Variants in PCDHGB1 observed in about 807,000 individuals in gnomAD.
PCDHGB1 encodes the protein protocadherin gamma subfamily B, 1.
In PCDHGB1, 34 loss-of-function variants were observed where a neutral mutation model predicts 56.6. The observed-to-expected ratio is 0.60, with a 90% CI of 0.46 to 0.80. The LOEUF is 0.80. PCDHGB1 is among the 30% of genes least tolerant of loss of function. PCDHGB1 has a pLI of 0.00. For synonymous variants in PCDHGB1, 561 were observed against 505.9 expected (o/e 1.11, Z -1.46); for missense variants, 1,278 against 1,204.6 (o/e 1.06, Z -0.90).
At chr5:141,500,728 T>C (rs556463739) in intron 2 of PCDHGB1, among the ~76,000 whole-genome samples, 1 of 152,310 alleles carries the variant, frequency 6.6e-6, no homozygotes, top group South Asian at 2.1e-4. Context: ...CCCATGTCTT[T>C]CAAAATTCTT....
Position 141,489,902 on chromosome 5 carries a change from C to T in PCDHGB1, c.2410-4905C>T. The T allele has an allele frequency of 6.2e-7, 1 of 1,614,218 alleles. No individual in the cohort carries two copies. The highest frequency in any genetic ancestry group is 8.5e-7 in the Non-Finnish European group (1 of 1,180,032). On this transcript the variant is annotated intron_variant, in intron 1 of 3. Transcript: ENST00000523390. This position sits in a 1 kb window ranked among gnomAD's most constrained non-coding sequence, Gnocchi z 4.5. Reference sequence around the variant, plus strand: ...ACTGCTGTGGATGGGGGGACCCCAGCCCGCTCAGGGACCACCCTTATCTCT... The same window carrying T: ...ACTGCTGTGGATGGGGGGACCCCAGTCCGCTCAGGGACCACCCTTATCTCT...
chr5:141,380,361 G>GA (rs980591138), intron 1 of PCDHGB1, among the ~76,000 whole-genome samples: 103 of 151,620 alleles, frequency 6.8e-4, no homozygotes, highest in South Asian at 1.2e-3. Flanking sequence ...TTGTTTTTTA[G>GA]AAAAAAAAGT....
intron 1 of PCDHGB1, among the ~76,000 whole-genome samples, chr5:141,359,245 T>A (rs910356279): frequency 1.3e-5 from 2 of 152,062 alleles, no homozygotes; most frequent in Non-Finnish European, 2.9e-5. Flanking sequence ...TTAAAGTAAT[T>A]AAGCCATAAA....
chr5:141,384,286 G>C lies in PCDHGB1; in HGVS notation c.2409+31617G>C, dbSNP rs760333073. ...CTCATCCTACTCAGTCTACATCGCT[G>C]AGAACAACCCCAGAGGGGCCTCCAT... On this transcript the variant is annotated intron_variant, in intron 1 of 3. Coordinates refer to ENST00000523390, the MANE Select transcript of PCDHGB1 (RefSeq NM_018922.3). 3 of 1,613,716 alleles carry C rather than the reference G, an allele frequency of 1.9e-6. No homozygotes were observed. In the East Asian group the frequency reaches 6.7e-5, roughly 36 times the overall value.
intron 1 of PCDHGB1, chr5:141,389,398 T>C (rs1384148422): frequency 1.2e-6 from 2 of 1,613,536 alleles, no homozygotes; most frequent in East Asian, 4.5e-5. Flanking sequence ...TACGTGTCCA[T>C]AAGCGCGGAG....
rs763001349 is a variant in PCDHGB1 at position 141,398,988 on chromosome 5, C to A, written c.2409+46319C>A. 1.9e-6 allele frequency: 3 copies of A among 1,613,832 alleles called. No homozygotes were observed. The African/African-American group carries it at 4.0e-5, about 22-fold the overall frequency. On this transcript the variant is annotated intron_variant, in intron 1 of 3. Coordinates refer to ENST00000523390, the MANE Select transcript of PCDHGB1 (RefSeq NM_018922.3). Reference sequence around the variant, plus strand: ...ATTCCTTCTACAGAACCGGGCAAATCTTTAGTCTGAATTCAAAGAGCGGAG... The same window carrying A: ...ATTCCTTCTACAGAACCGGGCAAATATTTAGTCTGAATTCAAAGAGCGGAG...
At chr5:141,358,687 A>G (rs1760991810) in intron 1 of PCDHGB1, among the ~76,000 whole-genome samples, 1 of 152,206 alleles carries the variant, frequency 6.6e-6, no homozygotes, top group African/African-American at 2.4e-5. Flanking sequence ...GCTTATCATG[A>G]CATCACTATT....
At position 141,372,540 on chromosome 5, in the gene PCDHGB1, C is replaced by G. The variant is rs1208837944; in HGVS notation, c.2409+19871C>G. On this transcript the variant is annotated intron_variant, in intron 1 of 3. Transcript: ENST00000523390. Reference sequence around the variant, plus strand: ...GATTCTGGCAATCTCCCTGCGCCTGCGATGCTCCTCCAGACCCGCCACTGA... The same window carrying G: ...GATTCTGGCAATCTCCCTGCGCCTGGGATGCTCCTCCAGACCCGCCACTGA... The G allele has an allele frequency of 1.9e-6, 3 of 1,614,012 alleles. No homozygotes were observed. The highest frequency in any genetic ancestry group is 3.3e-5 in the Admixed American group (2 of 60,026).
At chr5:141,383,797 G>C in intron 1 of PCDHGB1, 1 of 1,613,964 alleles carries the variant, frequency 6.2e-7, no homozygotes, top group Non-Finnish European at 8.5e-7. Context: ...GCTTACAGGA[G>C]AAATATCAAC....
chr5:141,402,714 T>G (rs1024254405), intron 1 of PCDHGB1, among the ~76,000 whole-genome samples: 2 of 152,220 alleles, frequency 1.3e-5, no homozygotes, highest in African/African-American at 4.8e-5. Flanking sequence ...TAGTAACGGC[T>G]TAGGACTCTG....
At chr5:141,502,356 G>C (rs1443285213) in intron 2 of PCDHGB1, among the ~76,000 whole-genome samples, 4 of 151,838 alleles carry the variant, frequency 2.6e-5, no homozygotes. Flanking sequence ...TAATGACATG[G>C]ATATTTTTAA....
chr5:141,392,641 C>G (rs541777624), intron 1 of PCDHGB1: 2 of 655,502 alleles, frequency 3.1e-6, no homozygotes, highest in Non-Finnish European at 2.5e-6. Context: ...TCACACCTCA[C>G]GAAGACCCGC....
At position 141,366,595 on chromosome 5, in the gene PCDHGB1, C is replaced by G. The variant is rs373756207; in HGVS notation, c.2409+13926C>G. 4.3e-6 allele frequency: 7 copies of G among 1,614,146 alleles called. No individual in the cohort carries two copies. The Admixed American group carries it at 8.3e-5, about 19-fold the overall frequency. On this transcript the variant is annotated intron_variant, in intron 1 of 3. Coordinates refer to ENST00000523390, the MANE Select transcript of PCDHGB1 (RefSeq NM_018922.3). ...GGGCTTTCCTGCAGACCTATTCCCA[C>G]GAGGTCTCCCTCACCGCGGACTCGA...
At chr5:141,368,396 C>T (rs1039446305) in intron 1 of PCDHGB1, among the ~76,000 whole-genome samples, 12 of 152,102 alleles carry the variant, frequency 7.9e-5, no homozygotes, top group African/African-American at 2.9e-4. Flanking sequence ...CACACACAAA[C>T]ACACATACAT....
At chr5:141,384,893 C>G in intron 1 of PCDHGB1, 2 of 1,613,890 alleles carry the variant, frequency 1.2e-6, no homozygotes, top group Non-Finnish European at 1.7e-6. Context: ...GTGGCTGTGG[C>G]TGACAGCATC....
At chr5:141,371,799 G>T (rs1768052133) in intron 1 of PCDHGB1, 5 of 1,613,926 alleles carry the variant, frequency 3.1e-6, no homozygotes, top group Middle Eastern at 1.6e-4. Flanking sequence ...TCCGCCTGGA[G>T]CCTCCATTGC....
intron 1 of PCDHGB1, chr5:141,362,062 C>G (rs1392359513): frequency 6.2e-7 from 1 of 1,612,314 alleles, no homozygotes; most frequent in African/African-American, 1.3e-5. Context: ...CCAGCGCCTG[C>G]TGGTCGCTGT....
intron 1 of PCDHGB1, chr5:141,419,521 C>T (rs1418329404): frequency 1.2e-6 from 2 of 1,612,122 alleles, no homozygotes; most frequent in East Asian, 2.2e-5. Context: ...TGGTGGGCGA[C>T]CGTAACGACA....
intron 1 of PCDHGB1, chr5:141,364,594 C>G: frequency 6.2e-7 from 1 of 1,614,188 alleles, no homozygotes; most frequent in Non-Finnish European, 8.5e-7. Context: ...TCACCGCGGG[C>G]AGGATAGACC....
Sources: gnomAD v4.1 joint callset for allele counts (sites outside exome capture counted in the v4.1 genomes callset) on GRCh38, gnomAD v4.1.1 for gene constraint, Gnocchi (gnomAD v3.1) non-coding constraint, MANE v1.5 for transcripts, NCBI Gene and HGNC (gene_info 2026-07-23, HGNC 2026-07-21) for gene names.